The following LZTS2 variants were observed in gnomAD, a reference collection of about 807,000 sequenced individuals.
LZTS2 encodes the protein leucine zipper putative tumor suppressor 2.
Under a neutral mutation model 60.6 loss-of-function variants are expected in LZTS2, and 32 were observed. That is an observed-to-expected ratio of 0.53 (90% CI 0.40 to 0.71). The LOEUF (loss-of-function observed/expected upper bound fraction) is 0.71. LZTS2 is among the 30% of genes least tolerant of loss of function. The pLI, the probability that LZTS2 is intolerant of heterozygous loss-of-function variation, is 0.00. For missense variants in LZTS2, 792 were observed against 901.9 expected (o/e 0.88, Z 1.56); for synonymous variants, 360 against 393.1 (o/e 0.92, Z 1.00).
chr10:101,006,741 G>A (rs1183821122), exon 4 of LZTS2: 4 of 1,595,436 alleles, frequency 2.5e-6, no homozygotes, highest in African/African-American at 1.3e-5. Flanking sequence ...GAGAAAGCTG[G>A]GCAGTTGGAT....
chr10:101,006,908 CG>C lies in LZTS2; in HGVS notation c.1753del (p.Glu585SerfsTer26). On this transcript the variant is annotated frameshift_variant, in exon 4 of 4. Coordinates refer to ENST00000370220, the Ensembl canonical transcript of LZTS2. LOFTEE classifies it high-confidence loss of function. ...GGAGCGATTGCGGGTGGAGCTGCAG[CG>C]GGAGCGGCGGCGGGGTGAGGAGCAG... The C allele has an allele frequency of 6.5e-7, 1 of 1,529,226 alleles. No individual in the cohort carries two copies. Among genetic ancestry groups the C allele is most frequent in the Non-Finnish European group, 8.8e-7 (1 of 1,133,718 alleles). The allele number at this position is 1,529,226 out of a possible 1,614,324, so 94.7% of individuals were successfully genotyped here.
At chr10:101,007,333 CTA>C in exon 4 of LZTS2, 1 of 1,417,662 alleles carries the variant, frequency 7.1e-7, no homozygotes, top group South Asian at 1.6e-5. Context: ...CAGGGTGGCC[CTA>C]TGACTTGGAG....
Position 101,006,859 on chromosome 10 carries a change from T to TG in LZTS2, c.1706dup (p.Ser570GlnfsTer21). ...AAGTGCAGCGGGCAGCAGCCGGGGT[T>TG]GGGGGCAGCTTGCGGGCCCAGGTGG... On this transcript the variant is annotated frameshift_variant, in exon 4 of 4. Transcript: ENST00000370220. LOFTEE classifies it high-confidence loss of function. 1 of 1,535,262 alleles carries TG rather than the reference T, an allele frequency of 6.5e-7. No homozygotes were observed. Among genetic ancestry groups the TG allele is most frequent in the Non-Finnish European group, 8.8e-7 (1 of 1,137,878 alleles).
At chr10:101,000,421 C>T (rs930387342) in exon 1 of LZTS2, 5 of 152,294 alleles carry the variant, frequency 3.3e-5, no homozygotes, top group Admixed American at 3.3e-4. Flanking sequence ...GCTTTCCAGA[C>T]TCCTGGCTCT....
chr10:101,005,541 G>A, exon 3 of LZTS2: 1 of 1,608,224 alleles, frequency 6.2e-7, no homozygotes, highest in Non-Finnish European at 8.5e-7. Flanking sequence ...AGCGGGCACA[G>A]CGGGCCCAAC....
At chr10:101,000,898 C>G (rs989662879) in exon 1 of LZTS2, 1 of 152,500 alleles carries the variant, frequency 6.6e-6, no homozygotes, top group Non-Finnish European at 1.5e-5. Flanking sequence ...AGCGTGGACA[C>G]CTCTTCCTGG....
At chr10:100,997,674 G>A (rs1222811510), upstream of LZTS2, among the ~76,000 whole-genome samples, 1 of 152,238 alleles carries the variant, frequency 6.6e-6, no homozygotes, top group Non-Finnish European at 1.5e-5. Context: ...TGAAGACCAA[G>A]ACGTAAACAG....
intron 3 of LZTS2, among the ~76,000 whole-genome samples, chr10:101,006,152 C>G: frequency 6.6e-6 from 1 of 152,214 alleles, no homozygotes; most frequent in East Asian, 1.9e-4. Flanking sequence ...CCAGCAGGCA[C>G]CTGGGCACTG....
At chr10:101,006,904 G>T in exon 4 of LZTS2, 1 of 1,532,016 alleles carries the variant, frequency 6.5e-7, no homozygotes, top group South Asian at 1.2e-5. Context: ...GGGTGGAGCT[G>T]CAGCGGGAGC....
chr10:100,997,892 T>A (rs1222840705), upstream of LZTS2, among the ~76,000 whole-genome samples: 1 of 152,198 alleles, frequency 6.6e-6, no homozygotes, highest in Non-Finnish European at 1.5e-5. Context: ...GCCCGGCTGC[T>A]GGGCAGGGCT....
At chr10:101,004,742 A>T (rs1852132296) in intron 2 of LZTS2, among the ~76,000 whole-genome samples, 1 of 152,236 alleles carries the variant, frequency 6.6e-6, no homozygotes. Context: ...ATATAGGGAT[A>T]TTTCTAGCTT....
At chr10:101,007,581 C>G (rs1407486204) in exon 4 of LZTS2, 1 of 1,296,164 alleles carries the variant, frequency 7.7e-7, no homozygotes, top group African/African-American at 1.5e-5. Context: ...ATGTGCCTGC[C>G]CACATTGGGG....
At chr10:101,005,407 T>C in intron 2 of LZTS2, 51 bp from the exon 4 acceptor site, 1 of 1,502,428 alleles carries the variant, frequency 6.7e-7, no homozygotes, top group Non-Finnish European at 8.9e-7. Flanking sequence ...AGACACTGAG[T>C]GGGGAGTTGG....
chr10:100,997,463 A>C (rs547228666), upstream of LZTS2, among the ~76,000 whole-genome samples: 2 of 152,296 alleles, frequency 1.3e-5, no homozygotes, highest in South Asian at 4.1e-4. Flanking sequence ...ACGCGAACAC[A>C]CATGCACTCG....
chr10:101,007,033 C>G lies in LZTS2; in HGVS notation c.1875C>G (p.Tyr625Ter). The G allele has an allele frequency of 6.3e-7, 1 of 1,588,594 alleles. No individual in the cohort carries two copies. The highest frequency in any genetic ancestry group is 8.6e-7 in the Non-Finnish European group (1 of 1,168,474). ...TGCAGCACAACTACATCCAGATGTA[C>G]CGGCGCAACCGGCAGCTAGAGCAGG... Residue 625 changes from tyrosine to a stop codon, truncating the protein, a stop_gained, in exon 4 of 4, where the codon TAC (tyrosine) becomes TAG (stop). Transcript: ENST00000370220. LOFTEE classifies it high-confidence loss of function.
chr10:101,002,482 C>T lies in LZTS2; in HGVS notation c.-57C>T. The T allele has an allele frequency of 1.3e-6, 2 of 1,482,680 alleles. No individual in the cohort carries two copies. The highest frequency in any genetic ancestry group is 2.9e-5 in the South Asian group (2 of 69,708). The allele number at this position is 1,482,680 out of a possible 1,614,324, so 91.8% of individuals were successfully genotyped here. On this transcript the variant is annotated 5_prime_UTR_variant, in exon 1 of 4. Transcript: ENST00000370220. ...TCAAGGTGGAGGGACTCTGACACCA[C>T]TGCCCTGCTTACAGGTCGCCTGCGA...
In LZTS2 at chr10:101,003,657, G is replaced by GCCT. The variant is rs752396694; in HGVS notation, c.573_575dup (p.Ser197dup). On this transcript the variant is annotated inframe_insertion, in exon 2 of 4. Coordinates refer to ENST00000370220, the Ensembl canonical transcript of LZTS2. ...CCTGACGCAGCTGTTTGGGGGCCCT[G>GCCT]CCTCCTCCTCCTCCTCTTCCTCCTC... 41 of 1,609,644 alleles carry GCCT rather than the reference G, an allele frequency of 2.5e-5. No individual in the cohort carries two copies. The South Asian group carries it at 2.8e-4, about 11-fold the overall frequency.
chr10:101,002,512 G>A (rs770796753), exon 1 of LZTS2: 15 of 1,494,814 alleles, frequency 1.0e-5, no homozygotes, highest in Admixed American at 9.5e-5. Flanking sequence ...CTGCGAGGCC[G>A]CTGGCCAGGC....
Position 101,005,338 on chromosome 10 carries a change from A to G in LZTS2, c.1069-120A>G, listed in dbSNP as rs551061647. On this transcript the variant is annotated intron_variant, in intron 2 of 3. Transcript: ENST00000370220. ...AGCAGTTAGTATTGTTGTTGCAATT[A>G]CTATTGTTGTTTAATGGAATCCACC... The G allele has an allele frequency of 1.6e-4, 181 of 1,108,236 alleles. 2 individuals are homozygous for G. The African/African-American group carries it at 2.5e-3, about 15-fold the overall frequency. 68.7% of individuals were successfully genotyped at this position (1,108,236 alleles called of 1,614,324 possible). A position where few individuals can be genotyped will look rare whatever the true frequency, so the allele number is the denominator to read the frequency against.
Sources: gnomAD v4.1 joint callset for allele counts (sites outside exome capture counted in the v4.1 genomes callset) on GRCh38, gnomAD v4.1.1 for gene constraint, MANE v1.5 for transcripts, NCBI Gene and HGNC (gene_info 2026-07-23, HGNC 2026-07-21) for gene names.